Variants in MCTP1 observed in about 807,000 individuals in gnomAD.
MCTP1 encodes multiple C2 and transmembrane domain-containing protein 1.
Under a neutral mutation model 120.6 loss-of-function variants are expected in MCTP1, and 69 were observed. The ratio of observed to expected loss-of-function variants is 0.57; its 90% CI spans 0.47 to 0.70. MCTP1 has a LOEUF of 0.70. MCTP1 is among the 30% of genes least tolerant of loss of function. The pLI, the probability that MCTP1 is intolerant of heterozygous loss-of-function variation, is 0.00. For synonymous variants in MCTP1, 529 were observed against 493.1 expected (o/e 1.07, Z -0.96); for missense variants, 1,203 against 1,248.8 (o/e 0.96, Z 0.55).
chr5:94,924,006 C>T lies in MCTP1; in HGVS notation c.1228G>A (p.Glu410Lys), dbSNP rs754619755. ...ACAGAGAAATAAGATCCAACCACTT[C>T]ATTTTCTGAAAGTTCCTAGAAACAA... ...KRSSKELSEN[E>K]VVGSYFSVKS... The change falls in exon 7 of 23, where the codon GAA (glutamate) becomes AAA (lysine). Residue 410 changes from glutamate to lysine, a missense_variant. Coordinates refer to ENST00000515393, the MANE Select transcript of MCTP1 (RefSeq NM_024717.7). 10 of 1,506,426 alleles carry T rather than the reference C, an allele frequency of 6.6e-6. No individual in the cohort carries two copies. The highest frequency in any genetic ancestry group is 4.8e-5 in the Admixed American group (2 of 41,844). 93.3% of individuals were successfully genotyped at this position (1,506,426 alleles called of 1,614,324 possible). A position where few individuals can be genotyped will look rare whatever the true frequency, so the allele number is the denominator to read the frequency against.
At chr5:95,170,543 C>A (rs1169804746) in intron 1 of MCTP1, among the ~76,000 whole-genome samples, 1 of 152,136 alleles carries the variant, frequency 6.6e-6, no homozygotes, top group Non-Finnish European at 1.5e-5. Flanking sequence ...GTGTGGGAGT[C>A]TAAGTCTCTT....
chr5:94,777,933 T>TGC (rs768645032), intron 19 of MCTP1, among the ~76,000 whole-genome samples: 1 of 92,708 alleles, frequency 1.1e-5, no homozygotes, highest in Non-Finnish European at 2.9e-5. Context: ...TGTGCGTGTG[T>TGC]GTGTGTGTGT....
intron 1 of MCTP1, among the ~76,000 whole-genome samples, chr5:95,080,929 C>T (rs1194644228): frequency 6.6e-6 from 1 of 152,074 alleles, no homozygotes; most frequent in Non-Finnish European, 1.5e-5. Context: ...ATGAAAGGTC[C>T]AGAGGCTTTC....
chr5:95,277,385 G>T (rs2152741464), intron 1 of MCTP1, among the ~76,000 whole-genome samples: 1 of 152,344 alleles, frequency 6.6e-6, no homozygotes, highest in East Asian at 1.9e-4. Context: ...CTACCAGCTG[G>T]TGGAAGAGGG....
intron 1 of MCTP1, among the ~76,000 whole-genome samples, chr5:95,221,462 C>A (rs867300066): frequency 2.6e-5 from 4 of 152,122 alleles, no homozygotes; most frequent in African/African-American, 9.7e-5. Flanking sequence ...CTTGGGGTTG[C>A]AGGTGGCTTT....
intron 1 of MCTP1, among the ~76,000 whole-genome samples, chr5:95,041,311 G>GAAAA (rs58379749): frequency 3.3e-5 from 3 of 89,810 alleles, no homozygotes; most frequent in South Asian, 3.4e-4. Context: ...CCCATGCTCT[G>GAAAA]AAAAAAAAAA....
At chr5:94,708,758 T>A (rs1236393684) in intron 21 of MCTP1, 149 bp from the exon 22 acceptor site, 1 of 564,950 alleles carries the variant, frequency 1.8e-6, no homozygotes, top group East Asian at 2.9e-5. Context: ...TCTTCCTCCT[T>A]TCCAGCTCAA....
intron 19 of MCTP1, among the ~76,000 whole-genome samples, chr5:94,720,040 C>T (rs962638681): frequency 2.2e-4 from 34 of 151,946 alleles, no homozygotes; most frequent in African/African-American, 7.5e-4. Flanking sequence ...GCAGGAGAAT[C>T]GCTTGAACCT....
At chr5:94,860,403 T>C (rs1188055961) in intron 17 of MCTP1, among the ~76,000 whole-genome samples, 3 of 151,712 alleles carry the variant, frequency 2.0e-5, no homozygotes, top group Non-Finnish European at 2.9e-5. Context: ...TCTCCAACAG[T>C]GCACCCTTGG....
chr5:95,177,952 A>T (rs1748199469), intron 1 of MCTP1, among the ~76,000 whole-genome samples: 1 of 152,216 alleles, frequency 6.6e-6, no homozygotes, highest in Non-Finnish European at 1.5e-5. Flanking sequence ...AAGCAAAAAA[A>T]TGTAGTGCCT....
intron 1 of MCTP1, among the ~76,000 whole-genome samples, chr5:95,199,736 G>A (rs1750789059): frequency 6.6e-6 from 1 of 151,818 alleles, no homozygotes; most frequent in Non-Finnish European, 1.5e-5. Context: ...GTGCACGCCT[G>A]TAATCCCAGC....
chr5:95,230,724 T>C (rs1754839548), intron 1 of MCTP1, among the ~76,000 whole-genome samples: 1 of 152,234 alleles, frequency 6.6e-6, no homozygotes, highest in South Asian at 2.1e-4. Flanking sequence ...TAGGCATATA[T>C]GGGTTTTAAT....
chr5:95,089,705 T>C (rs1582224025), intron 1 of MCTP1, among the ~76,000 whole-genome samples: 1 of 152,192 alleles, frequency 6.6e-6, no homozygotes, highest in Admixed American at 6.5e-5. Context: ...CTTAATCTGC[T>C]GTTTTGTTCC....
intron 19 of MCTP1, among the ~76,000 whole-genome samples, chr5:94,778,326 T>C (rs1037321241): frequency 2.6e-5 from 4 of 152,130 alleles, no homozygotes; most frequent in Non-Finnish European, 5.9e-5. Context: ...TAGGACTTTT[T>C]AGATTTTAGG....
chr5:95,072,080 C>CGTGTGTGTGT (rs1752300404), intron 1 of MCTP1, among the ~76,000 whole-genome samples: 1 of 35,316 alleles, frequency 2.8e-5, no homozygotes, highest in African/African-American at 6.2e-5. Flanking sequence ...TGCCAATTTT[C>CGTGTGTGTGT]CTGTGTGTGT....
At chr5:94,942,604 A>G (rs1444348666) in intron 3 of MCTP1, among the ~76,000 whole-genome samples, 177 bp from the exon 4 acceptor site, 1 of 152,124 alleles carries the variant, frequency 6.6e-6, no homozygotes, top group Admixed American at 6.6e-5. Flanking sequence ...ACACTTAAAG[A>G]AAACTACATT....
At chr5:95,213,002 A>T (rs1418867509) in intron 1 of MCTP1, among the ~76,000 whole-genome samples, 2 of 152,190 alleles carry the variant, frequency 1.3e-5, no homozygotes, top group African/African-American at 4.8e-5. Flanking sequence ...TAGTGTTGGA[A>T]ATTCTGGTCA....
At chr5:95,228,978 G>C (rs1191116126) in intron 1 of MCTP1, among the ~76,000 whole-genome samples, 1 of 152,124 alleles carries the variant, frequency 6.6e-6, no homozygotes, top group African/African-American at 2.4e-5. Context: ...AAATTACCCA[G>C]TCTCAGGTAT....
intron 2 of MCTP1, among the ~76,000 whole-genome samples, chr5:95,002,931 C>A (rs979443967): frequency 6.6e-6 from 1 of 152,110 alleles, no homozygotes; most frequent in Non-Finnish European, 1.5e-5. Flanking sequence ...CCCATAATCC[C>A]CACATGTCAT....
Sources: allele counts gnomAD v4.1 joint callset (sites outside exome capture counted in the v4.1 genomes callset), GRCh38; gene constraint gnomAD v4.1.1; transcripts MANE v1.5; gene names NCBI Gene and HGNC (gene_info 2026-07-23, HGNC 2026-07-21).